ZBTB37: variants seen among roughly 807,000 people sequenced by gnomAD.
ZBTB37 encodes zinc finger and BTB domain-containing protein 37.
In ZBTB37, 15 loss-of-function variants were observed where a neutral mutation model predicts 37.7. That is an observed-to-expected ratio of 0.40 (90% CI 0.27 to 0.61). The LOEUF (loss-of-function observed/expected upper bound fraction) is 0.61, where lower values mean the gene tolerates loss of function less well. Ranked by LOEUF, ZBTB37 falls within the 20% of genes least tolerant of loss-of-function variation. ZBTB37 has a pLI of 0.44. For synonymous variants in ZBTB37, 231 were observed against 220.6 expected, an observed-to-expected ratio of 1.05 and a Z score of -0.42; for missense variants, 514 against 641.9, an observed-to-expected ratio of 0.80 and a Z score of 2.15.
intron 4 of ZBTB37, among the ~76,000 whole-genome samples, chr1:173,885,151 C>G (rs1265626032): frequency 6.6e-6 from 1 of 152,160 alleles, no homozygotes; most frequent in Non-Finnish European, 1.5e-5. Context: ...GGAGGATCAT[C>G]TGATCCTGAG....
chr1:173,890,203 A>C (rs1357745738), downstream of ZBTB37: 1 of 152,186 alleles, frequency 6.6e-6, no homozygotes, highest in Non-Finnish European at 1.5e-5. Flanking sequence ...TTGGTCAAGA[A>C]GTAACTTTTC....
chr1:173,885,746 C>T lies in ZBTB37; in HGVS notation c.1134C>T (p.Cys378=), dbSNP rs987302525. Residue 378 remains cysteine, a synonymous_variant, in exon 5 of 5, where the codon TGC becomes TGT. Transcript: ENST00000427304. ...ACCCTCGTCTCACCTGCATCTATTGCGCCAAATCTTTCAACCAGAAGGGAA... is the reference window on the plus strand; with the variant it reads ...ACCCTCGTCTCACCTGCATCTATTGTGCCAAATCTTTCAACCAGAAGGGAA... 37 of 1,551,622 alleles carry T rather than the reference C, an allele frequency of 2.4e-5. No homozygotes were observed. The Admixed American group carries it at 5.1e-4, about 21-fold the overall frequency.
intron 4 of ZBTB37, among the ~76,000 whole-genome samples, chr1:173,874,512 G>A (rs879664024): frequency 1.3e-5 from 2 of 151,620 alleles, no homozygotes; most frequent in Non-Finnish European, 2.9e-5. Context: ...CACCACGCCC[G>A]GCTAATTATT....
intron 4 of ZBTB37, among the ~76,000 whole-genome samples, chr1:173,876,598 A>G (rs550717014): frequency 4.6e-5 from 7 of 152,286 alleles, no homozygotes; most frequent in Admixed American, 2.6e-4. Context: ...GATTACAGAC[A>G]TGAGCCACCG....
At chr1:173,871,290 C>A in intron 3 of ZBTB37, 142 bp downstream of exon 3, 1 of 802,812 alleles carries the variant, frequency 1.2e-6, no homozygotes, top group Non-Finnish European at 1.9e-6. Flanking sequence ...TGGAGGTGTG[C>A]CAAAAGACTT....
chr1:173,902,130 G>A (rs888080855), exon 4 of ZBTB37: 1 of 152,178 alleles, frequency 6.6e-6, no homozygotes, highest in Non-Finnish European at 1.5e-5. Flanking sequence ...AGAAGAAATT[G>A]TAAAGCATTT....
At chr1:173,873,021 A>AG (rs1477289806) in intron 3 of ZBTB37, among the ~76,000 whole-genome samples, 1 of 151,930 alleles carries the variant, frequency 6.6e-6, no homozygotes. Flanking sequence ...AAAAAAAAAA[A>AG]GTAATATCAA....
intron 4 of ZBTB37, among the ~76,000 whole-genome samples, chr1:173,884,312 C>A (rs1466799108): frequency 2.0e-5 from 3 of 151,914 alleles, no homozygotes; most frequent in Non-Finnish European, 4.4e-5. Flanking sequence ...ACCTCCACAC[C>A]CAGCTAATTT....
exon 3 of ZBTB37, chr1:173,870,250 T>C (rs772392313): frequency 3.7e-6 from 6 of 1,613,430 alleles, no homozygotes; most frequent in South Asian, 1.1e-5. Context: ...GAACATACAA[T>C]TGGAGATTCC....
exon 4 of ZBTB37, chr1:173,894,644 C>T (rs1656974929): frequency 6.6e-6 from 1 of 152,198 alleles, no homozygotes; most frequent in Non-Finnish European, 1.5e-5. Flanking sequence ...CACCACTGTA[C>T]TCTTGGTCGA....
downstream of ZBTB37, chr1:173,891,567 T>A (rs928476928): frequency 6.6e-6 from 1 of 152,174 alleles, no homozygotes; most frequent in Non-Finnish European, 1.5e-5. Context: ...TCATTCTTAG[T>A]GTTCAGATAG....
rs1172010693 is a variant in ZBTB37, at chr1:173,870,982, T to C, written c.757T>C (p.Trp253Arg). ...CATCAAAACTGAAAATCTGGAGGAGTGGCTTGGGCCTGAGAATCAGCCTTC... is the reference window on the plus strand; with the variant it reads ...CATCAAAACTGAAAATCTGGAGGAGCGGCTTGGGCCTGAGAATCAGCCTTC... Residue 253 changes from tryptophan to arginine, a missense_variant, in exon 3 of 5, where the codon TGG becomes CGG. Trp to Arg is a moderately radical substitution (Grantham distance 101, BLOSUM62 -3). Transcript: ENST00000427304. The C allele has an allele frequency of 6.2e-7, 1 of 1,613,932 alleles. No homozygotes were observed. The highest frequency in any genetic ancestry group is 8.5e-7 in the Non-Finnish European group (1 of 1,180,002).
At chr1:173,902,552 T>C (rs890180852) in exon 4 of ZBTB37, 2 of 152,272 alleles carry the variant, frequency 1.3e-5, no homozygotes, top group African/African-American at 4.8e-5. Context: ...CTGAGGGTGC[T>C]AGACTGGCTT....
At chr1:173,873,648 A>G (rs370688258) in intron 4 of ZBTB37, 82 bp downstream of exon 4, 507 of 1,567,824 alleles carry the variant, frequency 3.2e-4, no homozygotes, top group Non-Finnish European at 4.0e-4. Context: ...GAAAAAGAAA[A>G]GATGTAGGAG....
chr1:173,902,121 G>A (rs1372057165), exon 4 of ZBTB37: 1 of 152,194 alleles, frequency 6.6e-6, no homozygotes, highest in Non-Finnish European at 1.5e-5. Context: ...TTTAACCCAA[G>A]AAGAAATTGT....
downstream of ZBTB37, chr1:173,888,725 T>G (rs1296645710): frequency 1.3e-5 from 2 of 152,232 alleles, no homozygotes; most frequent in Non-Finnish European, 2.9e-5. Context: ...CCAGTGAACT[T>G]GGCCTGGAGA....
chr1:173,894,527 T>C (rs1288456439), exon 4 of ZBTB37: 1 of 152,212 alleles, frequency 6.6e-6, no homozygotes, highest in Non-Finnish European at 1.5e-5. Context: ...CCATGTGTTC[T>C]CTTCATCAAG....
downstream of ZBTB37, chr1:173,889,982 T>C (rs917472589): frequency 3.9e-5 from 6 of 152,108 alleles, no homozygotes; most frequent in African/African-American, 1.4e-4. Context: ...TGACATCTGG[T>C]ATTGGTTGGA....
chr1:173,875,225 CTATA>C (rs1480211290), intron 4 of ZBTB37, among the ~76,000 whole-genome samples: 16 of 148,650 alleles, frequency 1.1e-4, no homozygotes, highest in African/African-American at 1.5e-4. Flanking sequence ...TATGCACACA[CTATA>C]TATACTATAT....
Sources: allele counts gnomAD v4.1 joint callset (sites outside exome capture counted in the v4.1 genomes callset), GRCh38; gene constraint gnomAD v4.1.1; transcripts MANE v1.5; gene names NCBI Gene and HGNC (gene_info 2026-07-23, HGNC 2026-07-21).